NUDCD3: variants seen among roughly 807,000 people sequenced by gnomAD.
The protein encoded by NUDCD3 is nudC domain-containing protein 3.
Under a neutral mutation model 39.7 loss-of-function variants are expected in NUDCD3, and 13 were observed. The observed-to-expected ratio is 0.33, with a 90% confidence interval of 0.21 to 0.52. The LOEUF (loss-of-function observed/expected upper bound fraction) is 0.52. Ranked by LOEUF, NUDCD3 falls within the 20% of genes least tolerant of loss-of-function variation. NUDCD3 has a pLI of 0.96. For missense variants in NUDCD3, 453 were observed against 458.1 expected, an observed-to-expected ratio of 0.99 and a Z score of 0.10; for synonymous variants, 175 against 172.4, an observed-to-expected ratio of 1.02 and a Z score of -0.12.
chr7:44,487,877 C>T (rs1391209163), intron 1 of NUDCD3, among the ~76,000 whole-genome samples: 1 of 151,882 alleles, frequency 6.6e-6, no homozygotes, highest in Non-Finnish European at 1.5e-5. Context: ...TCACTTGAAC[C>T]TGGGAGGAGG....
intron 2 of NUDCD3, among the ~76,000 whole-genome samples, chr7:44,456,025 CAAAAAAAA>C (rs1233592095): frequency 7.0e-5 from 2 of 28,498 alleles, no homozygotes; most frequent in African/African-American, 1.5e-4. Context: ...GACTCCGTCT[CAAAAAAAA>C]AAAAAAAAAA....
chr7:44,451,133 C>T (rs573504604), intron 2 of NUDCD3, among the ~76,000 whole-genome samples: 34 of 152,244 alleles, frequency 2.2e-4, no homozygotes, highest in South Asian at 1.0e-3. Flanking sequence ...TATATCCATA[C>T]GATGGATTAT....
intron 3 of NUDCD3, among the ~76,000 whole-genome samples, chr7:44,412,528 A>G (rs1798946085): frequency 6.6e-6 from 1 of 152,232 alleles, no homozygotes. Context: ...AATTCATACT[A>G]TGTTAGGCTG....
At chr7:44,453,948 T>C (rs1384347307) in intron 2 of NUDCD3, among the ~76,000 whole-genome samples, 1 of 152,002 alleles carries the variant, frequency 6.6e-6, no homozygotes, top group Non-Finnish European at 1.5e-5. Context: ...GAGGCTAAGA[T>C]GGGAGGACGG....
intron 3 of NUDCD3, among the ~76,000 whole-genome samples, chr7:44,405,496 A>G (rs943782798): frequency 6.6e-6 from 1 of 152,226 alleles, no homozygotes; most frequent in Admixed American, 6.5e-5. Flanking sequence ...TTCCATTTAC[A>G]TTTTGTATCT....
At chr7:44,476,297 G>A (rs1800368015) in intron 2 of NUDCD3, among the ~76,000 whole-genome samples, 1 of 152,208 alleles carries the variant, frequency 6.6e-6, no homozygotes, top group Admixed American at 6.5e-5. Flanking sequence ...CATGATAGGT[G>A]TGTGAGTGCT....
At chr7:44,421,495 A>G (rs1176156480) in intron 3 of NUDCD3, among the ~76,000 whole-genome samples, 1 of 150,952 alleles carries the variant, frequency 6.6e-6, no homozygotes, top group African/African-American at 2.4e-5. Flanking sequence ...AGCAAAAAAA[A>G]AAAAAAAAAG....
intron 2 of NUDCD3, among the ~76,000 whole-genome samples, chr7:44,452,989 A>C (rs545140099): frequency 1.3e-5 from 2 of 152,224 alleles, no homozygotes; most frequent in African/African-American, 2.4e-5. Flanking sequence ...CAAAAACCCA[A>C]TTACTGTTAT....
At chr7:44,466,711 T>C (rs1178485731) in intron 2 of NUDCD3, among the ~76,000 whole-genome samples, 1 of 152,208 alleles carries the variant, frequency 6.6e-6, no homozygotes, top group Non-Finnish European at 1.5e-5. Context: ...ATGCTAAGTG[T>C]TTTCTAGGTC....
At chr7:44,490,003 C>G (rs1045889181) in intron 1 of NUDCD3, 1 of 165,170 alleles carries the variant, frequency 6.1e-6, no homozygotes, top group African/African-American at 2.4e-5. Context: ...ACCCATTGAT[C>G]AACACAATGC....
chr7:44,461,574 C>T (rs1230810556), intron 2 of NUDCD3, among the ~76,000 whole-genome samples: 1 of 152,026 alleles, frequency 6.6e-6, no homozygotes, highest in African/African-American at 2.4e-5. Flanking sequence ...TTGAGTCAGC[C>T]GCAGACACAT....
chr7:44,396,236 C>T (rs1798622733), intron 4 of NUDCD3, among the ~76,000 whole-genome samples: 1 of 152,110 alleles, frequency 6.6e-6, no homozygotes, highest in Admixed American at 6.5e-5. Context: ...GTCAAGTTTC[C>T]ATCTGTCATC....
intron 2 of NUDCD3, among the ~76,000 whole-genome samples, chr7:44,470,459 G>A (rs532268678): frequency 1.4e-3 from 211 of 152,270 alleles, no homozygotes; most frequent in Non-Finnish European, 2.6e-3. Context: ...GCCCAGGCTC[G>A]GTTTAAGGTC....
At chr7:44,467,041 T>C (rs146037617) in intron 2 of NUDCD3, among the ~76,000 whole-genome samples, 140 of 152,238 alleles carry the variant, frequency 9.2e-4, no homozygotes, top group African/African-American at 3.2e-3. Context: ...GACTGGTTTC[T>C]TTCCCCACAT....
intron 2 of NUDCD3, among the ~76,000 whole-genome samples, chr7:44,455,652 A>C (rs925863056): frequency 1.3e-5 from 2 of 152,248 alleles, no homozygotes; most frequent in Non-Finnish European, 2.9e-5. Flanking sequence ...GCATTAGTGC[A>C]GGTAAATGTG....
At chr7:44,426,044 GGAA>G (rs1356407032) in intron 3 of NUDCD3, 9 of 785,644 alleles carry the variant, frequency 1.1e-5, no homozygotes, top group Non-Finnish European at 1.4e-5. Flanking sequence ...CCTGCTCCAT[GGAA>G]GAGCCCCACA....
chr7:44,436,586 C>T (rs1225438554), intron 2 of NUDCD3, among the ~76,000 whole-genome samples: 1 of 152,160 alleles, frequency 6.6e-6, no homozygotes, highest in Non-Finnish European at 1.5e-5. Context: ...ATGCTTTGTA[C>T]TGTCAGACTT....
intron 2 of NUDCD3, among the ~76,000 whole-genome samples, chr7:44,474,894 T>C (rs1200634395): frequency 6.6e-6 from 1 of 152,116 alleles, no homozygotes; most frequent in African/African-American, 2.4e-5. Context: ...ATAGCAGCTA[T>C]GACACAAGAT....
chr7:44,467,338 G>A (rs1253566451), intron 2 of NUDCD3, among the ~76,000 whole-genome samples: 1 of 152,152 alleles, frequency 6.6e-6, no homozygotes, highest in African/African-American at 2.4e-5. Context: ...ACATGGGAAC[G>A]GCGAAGCGCC....
Sources: gnomAD v4.1 joint callset for allele counts (sites outside exome capture counted in the v4.1 genomes callset) on GRCh38, gnomAD v4.1.1 for gene constraint, MANE v1.5 for transcripts, NCBI Gene and HGNC (gene_info 2026-07-23, HGNC 2026-07-21) for gene names.